Variants in PAQR5 observed in about 807,000 individuals in gnomAD.
The protein encoded by PAQR5 is membrane progestin receptor gamma.
Under a neutral mutation model 34.5 loss-of-function variants are expected in PAQR5, and 20 were observed. That is an observed-to-expected ratio of 0.58 (90% CI 0.41 to 0.84). The LOEUF (loss-of-function observed/expected upper bound fraction) is 0.84, where lower values mean the gene tolerates loss of function less well. Ranked by LOEUF, PAQR5 falls within the 40% of genes least tolerant of loss-of-function variation. The pLI, the probability that PAQR5 is intolerant of heterozygous loss-of-function variation, is 0.00. For synonymous variants in PAQR5, 131 were observed against 155.6 expected, an observed-to-expected ratio of 0.84 and a Z score of 1.18; for missense variants, 378 against 412.7, an observed-to-expected ratio of 0.92 and a Z score of 0.73.
At chr15:69,363,301 T>C (rs1391166602) in intron 3 of PAQR5, among the ~76,000 whole-genome samples, 2 of 152,174 alleles carry the variant, frequency 1.3e-5, no homozygotes, top group South Asian at 2.1e-4. Flanking sequence ...TTTGTGTGTA[T>C]GCCTCATAAT....
At chr15:69,327,667 C>T (rs1266390844) in intron 1 of PAQR5, among the ~76,000 whole-genome samples, 1 of 152,124 alleles carries the variant, frequency 6.6e-6, no homozygotes, top group South Asian at 2.1e-4. Context: ...AAAGTGAGAG[C>T]ATGTGGCAAG....
At chr15:69,376,709 G>A (rs1595911177) in intron 3 of PAQR5, among the ~76,000 whole-genome samples, 1 of 152,186 alleles carries the variant, frequency 6.6e-6, no homozygotes, top group Middle Eastern at 3.2e-3. Context: ...TCAGATGGAG[G>A]CAGGTTTTTT....
rs74508158 is a variant in PAQR5 at position 69,398,606 on chromosome 15, G to A, written c.609+1042G>A. Reference sequence around the variant, plus strand: ...AAGGGGAGGGGCTGAGCTCCACCCAGCAGCTGGGGCATTGAGCACGTTCTC... The same window carrying A: ...AAGGGGAGGGGCTGAGCTCCACCCAACAGCTGGGGCATTGAGCACGTTCTC... On this transcript the variant is annotated intron_variant, in intron 7 of 8. Coordinates refer to ENST00000395407, the MANE Select transcript of PAQR5 (RefSeq NM_017705.4). Among the ~76,000 whole-genome samples the A allele has an allele frequency of 7.6e-3, 1,153 of 152,126 alleles. 21 individuals carry two copies. Among genetic ancestry groups the A allele is most frequent in the African/African-American group, 0.026 (1,075 of 41,546 alleles).
intron 1 of PAQR5, among the ~76,000 whole-genome samples, chr15:69,334,126 C>T (rs1185308117): frequency 6.6e-6 from 1 of 152,160 alleles, no homozygotes; most frequent in African/African-American, 2.4e-5. Context: ...CTCCCGGGTT[C>T]AAGTGATTCT....
At chr15:69,355,273 TTCTC>T (rs2055025729) in intron 2 of PAQR5, among the ~76,000 whole-genome samples, 1 of 152,020 alleles carries the variant, frequency 6.6e-6, no homozygotes, top group Non-Finnish European at 1.5e-5. Flanking sequence ...TTTGTCTTCT[TTCTC>T]TCTTTCTTTC....
At chr15:69,401,076 G>T (rs2056612317) in intron 8 of PAQR5, 1 of 152,302 alleles carries the variant, frequency 6.6e-6, no homozygotes, top group African/African-American at 2.4e-5. Flanking sequence ...CCTGCTGGCA[G>T]AGTTCTTTCC....
At chr15:69,357,193 C>G (rs1354382208) in intron 2 of PAQR5, among the ~76,000 whole-genome samples, 1 of 152,152 alleles carries the variant, frequency 6.6e-6, no homozygotes, top group Non-Finnish European at 1.5e-5. Flanking sequence ...TGTTTCCTGT[C>G]CAGCCTGCAG....
intron 5 of PAQR5, among the ~76,000 whole-genome samples, chr15:69,388,980 T>C (rs139360006): frequency 1.3e-5 from 2 of 152,322 alleles, no homozygotes; most frequent in Admixed American, 6.5e-5. Context: ...CTCTTCCAAA[T>C]AAATGCTTCA....
At position 69,360,128 on chromosome 15, in the gene PAQR5, C is replaced by T; in HGVS notation, c.48C>T (p.Pro16=). 1 of 1,610,778 alleles carries T rather than the reference C, an allele frequency of 6.2e-7. No homozygotes were observed. The highest frequency in any genetic ancestry group is 2.2e-5 in the East Asian group (1 of 44,834). The part of the protein sequence containing the change: ...LPRLFSIDQI[P]QVFHEQGILF... The stretch of plus-strand genomic sequence containing the variant: ...GGCTGTTTAGCATAGACCAGATACC[C>T]CAGGTATGTGCTCTATTGATTATGA... Residue 16 remains proline (P), a synonymous_variant, in exon 3 of 9, where the codon CCC becomes CCT. Coordinates refer to ENST00000395407, the MANE Select transcript of PAQR5 (RefSeq NM_017705.4).
intron 1 of PAQR5, among the ~76,000 whole-genome samples, chr15:69,335,816 A>C (rs766979406): frequency 9.2e-5 from 14 of 152,134 alleles, no homozygotes; most frequent in Non-Finnish European, 1.6e-4. Context: ...GGAAATTTGT[A>C]AAGAGTTCTA....
intron 6 of PAQR5, among the ~76,000 whole-genome samples, chr15:69,393,505 C>G (rs1567040499): frequency 6.6e-6 from 1 of 152,142 alleles, no homozygotes; most frequent in Non-Finnish European, 1.5e-5. Flanking sequence ...TGAGACAATA[C>G]CCTCTGGGTC....
chr15:69,325,274 A>G (rs1327726516), intron 1 of PAQR5, among the ~76,000 whole-genome samples: 1 of 152,092 alleles, frequency 6.6e-6, no homozygotes, highest in Non-Finnish European at 1.5e-5. Flanking sequence ...CTAGAGGCAT[A>G]ACCACTATTT....
Position 69,379,986 on chromosome 15 carries a change from T to G in PAQR5, c.155T>G (p.Ile52Ser). 6.2e-7 allele frequency: 1 copy of G among 1,614,192 alleles called. No individual in the cohort carries two copies. Among genetic ancestry groups the G allele is most frequent in the South Asian group, 1.1e-5 (1 of 91,086 alleles). Residue 52 changes from isoleucine (I) to serine (S), a missense_variant, in exon 4 of 9, where the codon ATT becomes AGT. Physicochemically the swap from Ile to Ser is moderately radical, Grantham distance 142. Transcript: ENST00000395407. ...CAAATGACCAATGAGACTCTCAACA[T>G]TTGGACTCACTTGCTGCCCTTCTGG... is the stretch of plus-strand genomic sequence containing the variant. Reference protein sequence around the residue: ...LFQMTNETLNIWTHLLPFWFF... With the variant: ...LFQMTNETLNSWTHLLPFWFF...
chr15:69,374,466 AG>A (rs1470543141), intron 3 of PAQR5, among the ~76,000 whole-genome samples: 2 of 152,156 alleles, frequency 1.3e-5, no homozygotes, highest in Non-Finnish European at 2.9e-5. Context: ...ACCTGAGATC[AG>A]GGGTTTGAGA....
At chr15:69,393,432 ATGG>A in intron 6 of PAQR5, among the ~76,000 whole-genome samples, 1 of 73,832 alleles carries the variant, frequency 1.4e-5, no homozygotes, top group East Asian at 3.1e-4. Context: ...GACTTGCTGT[ATGG>A]CCTCAGGGCA....
intron 3 of PAQR5, among the ~76,000 whole-genome samples, chr15:69,367,307 C>T (rs2055429266): frequency 6.6e-6 from 1 of 151,582 alleles, no homozygotes; most frequent in South Asian, 2.1e-4. Flanking sequence ...TCCCTTCCAC[C>T]TGTTTTATAA....
chr15:69,319,718 T>C (rs946442230), intron 1 of PAQR5, among the ~76,000 whole-genome samples: 5 of 152,126 alleles, frequency 3.3e-5, no homozygotes, highest in African/African-American at 1.2e-4. Context: ...TTTGGACATT[T>C]TTGGAGCAGG....
At chr15:69,380,059 G>A (rs2055840512) in intron 4 of PAQR5, 49 bp downstream of exon 4, 2 of 1,600,510 alleles carry the variant, frequency 1.2e-6, no homozygotes, top group African/African-American at 1.3e-5. Flanking sequence ...GAGCCCTGGA[G>A]ACCAGGGTGT....
intron 3 of PAQR5, among the ~76,000 whole-genome samples, chr15:69,370,924 A>G (rs959338130): frequency 1.3e-5 from 2 of 152,234 alleles, no homozygotes; most frequent in East Asian, 1.9e-4. Flanking sequence ...ATTATCGCAC[A>G]TGTCTAAATG....
Sources: gnomAD v4.1 joint callset for allele counts (sites outside exome capture counted in the v4.1 genomes callset) on GRCh38, gnomAD v4.1.1 for gene constraint, MANE v1.5 for transcripts, NCBI Gene and HGNC (gene_info 2026-07-23, HGNC 2026-07-21) for gene names.